Variants in SLC25A13 observed in about 807,000 individuals in gnomAD.
SLC25A13 encodes the protein electrogenic aspartate/glutamate antiporter SLC25A13, mitochondrial.
A neutral mutation model predicts 85.5 loss-of-function variants in SLC25A13; 70 were observed. That is an observed-to-expected ratio of 0.82 (90% CI 0.68 to 1.00). The LOEUF is 1.00. SLC25A13 is among the 50% of genes least tolerant of loss of function. The probability of loss-of-function intolerance (pLI) is 0.00; values close to 1 mark genes in which losing one functional copy is unlikely to be tolerated. For missense variants in SLC25A13, 765 were observed against 819.8 expected (o/e 0.93, Z 0.82); for synonymous variants, 259 against 288.7 (o/e 0.90, Z 1.04).
intron 13 of SLC25A13, among the ~76,000 whole-genome samples, chr7:96,162,877 C>G (rs937667399): frequency 7.2e-5 from 11 of 152,090 alleles, no homozygotes; most frequent in African/African-American, 2.4e-4. Flanking sequence ...TAATGGGTAC[C>G]CTTAAAGTAA....
At position 96,189,640 on chromosome 7, in the gene SLC25A13, C is replaced by G. The variant is rs187852403; in HGVS notation, c.789G>C (p.Gln263His). Residue 263 changes from glutamine to histidine, a missense_variant, in exon 8 of 18, where the codon CAG (glutamine) becomes CAC (histidine). By Grantham distance (24) the Gln-to-His change is conservative. Coordinates refer to ENST00000265631, the MANE Select transcript of SLC25A13 (RefSeq NM_014251.3). ...EFVLAAQKFG[Q>H]VTPMEVDILF... The stretch of plus-strand genomic sequence containing the variant: ...AGATGTCAACTTCCATGGGTGTAAC[C>G]TGACCAAATTTCTGAGCTGCCAGAA... 1 of 1,613,204 alleles carries G rather than the reference C, an allele frequency of 6.2e-7. No individual in the cohort carries two copies. The highest frequency in any genetic ancestry group is 1.3e-5 in the African/African-American group (1 of 74,746).
intron 3 of SLC25A13, among the ~76,000 whole-genome samples, chr7:96,235,815 G>A (rs886440488): frequency 5.3e-5 from 8 of 152,164 alleles, no homozygotes; most frequent in Non-Finnish European, 1.0e-4. Flanking sequence ...TTAACTTTCC[G>A]AAGGTCAAAA....
intron 15 of SLC25A13, among the ~76,000 whole-genome samples, chr7:96,129,215 T>C (rs1386838980): frequency 6.6e-6 from 1 of 152,188 alleles, no homozygotes; most frequent in East Asian, 1.9e-4. Flanking sequence ...ACCTGTTTCC[T>C]GACTCACAGA....
intron 3 of SLC25A13, among the ~76,000 whole-genome samples, chr7:96,248,089 T>C (rs1180510797): frequency 2.0e-5 from 3 of 152,048 alleles, no homozygotes; most frequent in Non-Finnish European, 4.4e-5. Flanking sequence ...CCTAATCCTA[T>C]TACCACTCCC....
At chr7:96,285,650 C>T (rs975847254) in intron 2 of SLC25A13, among the ~76,000 whole-genome samples, 4 of 152,144 alleles carry the variant, frequency 2.6e-5, no homozygotes, top group African/African-American at 4.8e-5. Flanking sequence ...TTAACCACAA[C>T]GCAGGCCCTT....
chr7:96,216,965 A>C (rs1258988963), intron 4 of SLC25A13, among the ~76,000 whole-genome samples: 1 of 152,226 alleles, frequency 6.6e-6, no homozygotes, highest in Non-Finnish European at 1.5e-5. Context: ...AGACTAGGAG[A>C]AAAACTTTGC....
intron 4 of SLC25A13, among the ~76,000 whole-genome samples, chr7:96,215,000 G>T (rs891259743): frequency 3.9e-5 from 6 of 152,184 alleles, no homozygotes; most frequent in Non-Finnish European, 7.3e-5. Flanking sequence ...TAGATTCAAT[G>T]TAATCCCTAT....
chr7:96,254,334 C>T (rs1797544171), intron 3 of SLC25A13, among the ~76,000 whole-genome samples: 1 of 152,178 alleles, frequency 6.6e-6, no homozygotes, highest in African/African-American at 2.4e-5. Flanking sequence ...CATGGATCTA[C>T]TCCTGCTCTC....
intron 1 of SLC25A13, among the ~76,000 whole-genome samples, chr7:96,316,515 C>T (rs1441055671): frequency 6.6e-6 from 1 of 152,122 alleles, no homozygotes; most frequent in Non-Finnish European, 1.5e-5. Flanking sequence ...TTGGTAAGAC[C>T]TGGGAGAGCA....
chr7:96,289,901 T>C (rs1460202009), intron 2 of SLC25A13, among the ~76,000 whole-genome samples: 1 of 151,934 alleles, frequency 6.6e-6, no homozygotes, highest in Non-Finnish European at 1.5e-5. Flanking sequence ...ATTCAGGAAA[T>C]ACAAAGAACG....
At chr7:96,263,916 TC>T (rs1330942121) in intron 3 of SLC25A13, among the ~76,000 whole-genome samples, 1 of 152,012 alleles carries the variant, frequency 6.6e-6, no homozygotes, top group Non-Finnish European at 1.5e-5. Context: ...TCCTGTTCAG[TC>T]CCTCATAAAC....
intron 13 of SLC25A13, among the ~76,000 whole-genome samples, chr7:96,148,545 C>A (rs1339242672): frequency 6.6e-6 from 1 of 152,054 alleles, no homozygotes; most frequent in Non-Finnish European, 1.5e-5. Context: ...TGTTTCTGAA[C>A]CAGAACTCTT....
intron 3 of SLC25A13, among the ~76,000 whole-genome samples, chr7:96,275,654 C>T (rs1798419057): frequency 6.6e-6 from 1 of 151,878 alleles, no homozygotes; most frequent in African/African-American, 2.4e-5. Flanking sequence ...CCAAACACTG[C>T]ATGTTCTCAC....
At chr7:96,224,580 T>C (rs141505190) in intron 4 of SLC25A13, among the ~76,000 whole-genome samples, 1 of 152,272 alleles carries the variant, frequency 6.6e-6, no homozygotes, top group African/African-American at 2.4e-5. Context: ...GATAAAGCTT[T>C]TCTGGGTAAA....
At chr7:96,169,858 G>C in intron 13 of SLC25A13, 187 bp downstream of exon 13, 1 of 637,844 alleles carries the variant, frequency 1.6e-6, no homozygotes, top group Non-Finnish European at 2.8e-6. Context: ...AGTAAGGTCA[G>C]AAACATTTAC....
chr7:96,126,478 C>G (rs1279486524), intron 15 of SLC25A13, among the ~76,000 whole-genome samples: 2 of 152,088 alleles, frequency 1.3e-5, no homozygotes, highest in African/African-American at 4.8e-5. Context: ...TCCTGAAGCT[C>G]CATATGAAAA....
At chr7:96,192,788 GT>G (rs1362382599) in intron 6 of SLC25A13, among the ~76,000 whole-genome samples, 1 of 150,674 alleles carries the variant, frequency 6.6e-6, no homozygotes, top group Non-Finnish European at 1.5e-5. Context: ...TCACAAATCT[GT>G]TTTTCCTTTT....
chr7:96,215,741 T>C (rs1428113087), intron 4 of SLC25A13, among the ~76,000 whole-genome samples: 1 of 152,086 alleles, frequency 6.6e-6, no homozygotes, highest in Non-Finnish European at 1.5e-5. Context: ...ATAGACATAA[T>C]TTTTGTGATG....
chr7:96,316,674 G>A (rs1358232111), intron 1 of SLC25A13, among the ~76,000 whole-genome samples: 1 of 152,170 alleles, frequency 6.6e-6, no homozygotes, highest in African/African-American at 2.4e-5. Flanking sequence ...AAAACAGAAA[G>A]CACCTACTTC....
Sources: allele counts gnomAD v4.1 joint callset (sites outside exome capture counted in the v4.1 genomes callset), GRCh38; gene constraint gnomAD v4.1.1; transcripts MANE v1.5; gene names NCBI Gene and HGNC (gene_info 2026-07-23, HGNC 2026-07-21).